Variants in ZFPM2 observed in about 807,000 individuals in gnomAD.
The protein encoded by ZFPM2 is zinc finger protein, FOG family member 2, also known as zinc finger protein ZFPM2.
ZFPM2 carries 20 observed loss-of-function variants against 98.6 expected under a neutral mutation model. The ratio of observed to expected loss-of-function variants is 0.20; its 90% CI spans 0.14 to 0.29. ZFPM2 has a LOEUF of 0.29. ZFPM2 is among the 10% of genes least tolerant of loss of function. The pLI, the probability that ZFPM2 is intolerant of heterozygous loss-of-function variation, is 1.00. For synonymous variants in ZFPM2, 518 were observed against 502.7 expected, an observed-to-expected ratio of 1.03 and a Z score of -0.41; for missense variants, 1,310 against 1,388.6, an observed-to-expected ratio of 0.94 and a Z score of 0.90.
At chr8:105,653,854 C>CTGTTTTTTTTTTT (rs1817230454) in intron 5 of ZFPM2, among the ~76,000 whole-genome samples, 1 of 35,260 alleles carries the variant, frequency 2.8e-5, no homozygotes, top group Non-Finnish European at 4.9e-5. Flanking sequence ...TGTGTGCTAT[C>CTGTTTTTTTTTTT]TTTTTTTTTT....
At chr8:105,676,000 C>T (rs2130912465) in intron 5 of ZFPM2, 1 of 152,224 alleles carries the variant, frequency 6.6e-6, no homozygotes, top group African/African-American at 2.4e-5. Context: ...AGCTTTTCAC[C>T]ATTAAACAGT....
chr8:105,790,296 C>A (rs534975750), intron 6 of ZFPM2, among the ~76,000 whole-genome samples: 1 of 150,824 alleles, frequency 6.6e-6, no homozygotes, highest in African/African-American at 2.4e-5. Context: ...TTTCAGCTTT[C>A]TACATATGGC....
chr8:105,445,826 A>G (rs1351425569), intron 3 of ZFPM2, among the ~76,000 whole-genome samples: 1 of 151,828 alleles, frequency 6.6e-6, no homozygotes, highest in Admixed American at 6.6e-5. Context: ...GCTAGTCTCA[A>G]ACTCCTGAGC....
At chr8:105,699,305 TAG>T (rs1811088980) in intron 5 of ZFPM2, among the ~76,000 whole-genome samples, 1 of 152,162 alleles carries the variant, frequency 6.6e-6, no homozygotes, top group Non-Finnish European at 1.5e-5. Context: ...ACATAAGTTC[TAG>T]AGGTTAATGG....
At chr8:105,361,899 A>G (rs1393510210) in intron 1 of ZFPM2, among the ~76,000 whole-genome samples, 4 of 152,084 alleles carry the variant, frequency 2.6e-5, no homozygotes, top group African/African-American at 7.2e-5. Flanking sequence ...TACCTACACT[A>G]TTTATATAAT....
intron 5 of ZFPM2, among the ~76,000 whole-genome samples, chr8:105,638,241 C>T (rs943372480): frequency 7.9e-5 from 12 of 152,002 alleles, no homozygotes; most frequent in African/African-American, 2.4e-4. Flanking sequence ...ACCAATTAAT[C>T]ACTATGACTC....
chr8:105,346,200 A>G lies in ZFPM2; in HGVS notation c.40+27219A>G, dbSNP rs114057307. ...CAGGAGTTCGAGAGCAGCCTAACCA[A>G]CATGGAGAAACCTCTTCCTACTAAA... On this transcript the variant is annotated intron_variant, in intron 1 of 7. Coordinates refer to ENST00000407775, the MANE Select transcript of ZFPM2 (RefSeq NM_012082.4). Among the ~76,000 whole-genome samples, 968 of 152,088 alleles carry G rather than the reference A, an allele frequency of 6.4e-3. 10 individuals are homozygous for G. The highest frequency in any genetic ancestry group is 0.022 in the African/African-American group (903 of 41,474).
chr8:105,630,377 A>G (rs1330954805), intron 4 of ZFPM2, among the ~76,000 whole-genome samples: 2 of 152,162 alleles, frequency 1.3e-5, no homozygotes, highest in East Asian at 1.9e-4. Context: ...AAGTCAGTCA[A>G]TCTCTACAAA....
In ZFPM2 at chr8:105,716,545, A is replaced by C. The variant is rs1811528393; in HGVS notation, c.533-72173A>C. Among the ~76,000 whole-genome samples, 3 of 151,876 alleles carry C rather than the reference A, an allele frequency of 2.0e-5. 1 individual carries two copies. The highest frequency in any genetic ancestry group is 2.0e-4 in the Admixed American group (3 of 15,198). Reference sequence around the variant, plus strand: ...CAGGTATATTAAAATAGCAGCAATAACTCCACAGTGCCACTTGAATGTTTC... The same window carrying C: ...CAGGTATATTAAAATAGCAGCAATACCTCCACAGTGCCACTTGAATGTTTC... On this transcript the variant is annotated intron_variant, in intron 5 of 7. Coordinates refer to ENST00000407775, the MANE Select transcript of ZFPM2 (RefSeq NM_012082.4).
At chr8:105,441,482 G>GAAAGAAAGAAAAGAAAAGA (rs1554604998) in intron 2 of ZFPM2, among the ~76,000 whole-genome samples, 1 of 85,404 alleles carries the variant, frequency 1.2e-5, no homozygotes, top group Admixed American at 1.2e-4. Context: ...AAGAAAGAAA[G>GAAAGAAAGAAAAGAAAAGA]AAAGAAAGAA....
At chr8:105,534,461 TCCTC>T (rs1226973319) in intron 3 of ZFPM2, among the ~76,000 whole-genome samples, 3 of 150,244 alleles carry the variant, frequency 2.0e-5, no homozygotes, top group African/African-American at 7.4e-5. Context: ...CTTCCTTCCT[TCCTC>T]CCTTCCTTTC....
intron 5 of ZFPM2, among the ~76,000 whole-genome samples, chr8:105,730,775 T>TG (rs1811914321): frequency 8.3e-6 from 1 of 120,058 alleles, no homozygotes; most frequent in Admixed American, 8.3e-5. Context: ...TTTTCTTTTT[T>TG]CTTTTTTTTT....
chr8:105,330,609 TAC>T (rs1554595013), intron 1 of ZFPM2, among the ~76,000 whole-genome samples: 627 of 56,776 alleles, frequency 0.011, 15 homozygotes, highest in African/African-American at 0.019. Context: ...TATATATATA[TAC>T]ACATATATAT....
chr8:105,396,393 C>T (rs928127908), intron 1 of ZFPM2, among the ~76,000 whole-genome samples: 6 of 152,088 alleles, frequency 3.9e-5, no homozygotes, highest in African/African-American at 1.4e-4. Flanking sequence ...TGGGAGTGAA[C>T]ACTGTGTACC....
intron 6 of ZFPM2, among the ~76,000 whole-genome samples, chr8:105,794,968 T>G (rs927088024): frequency 5.3e-5 from 8 of 152,142 alleles, no homozygotes; most frequent in African/African-American, 1.9e-4. Context: ...GACCCGATTT[T>G]CCAGGTGCCG....
chr8:105,783,433 C>T (rs76827162), intron 5 of ZFPM2, among the ~76,000 whole-genome samples: 72 of 152,030 alleles, frequency 4.7e-4, no homozygotes, highest in African/African-American at 1.7e-3. Context: ...TAACCATTCT[C>T]AAGTGTATAG....
At chr8:105,563,759 T>G (rs963192297) in intron 4 of ZFPM2, among the ~76,000 whole-genome samples, 1 of 152,154 alleles carries the variant, frequency 6.6e-6, no homozygotes, top group Non-Finnish European at 1.5e-5. Flanking sequence ...CTAGCATTGC[T>G]TACTAAACAT....
Position 105,550,636 on chromosome 8 carries a change from T to G in ZFPM2, c.302-10727T>G, listed in dbSNP as rs553070897. Among the ~76,000 whole-genome samples the G allele has an allele frequency of 6.6e-5, 10 of 152,236 alleles. No homozygotes were observed. In the South Asian group the frequency reaches 2.1e-3, roughly 32 times the overall value. ...TCTTATAAGGAAGAAAGTGATGAAA[T>G]GTATTAGAGTAAAAAATCACATACT... On this transcript the variant is annotated intron_variant, in intron 3 of 7. Coordinates refer to ENST00000407775, the MANE Select transcript of ZFPM2 (RefSeq NM_012082.4).
At chr8:105,349,678 A>G (rs1013236233) in intron 1 of ZFPM2, among the ~76,000 whole-genome samples, 3 of 152,204 alleles carry the variant, frequency 2.0e-5, no homozygotes, top group Non-Finnish European at 1.5e-5. Flanking sequence ...AGAGATGAAG[A>G]TATGGGAGAT....
Sources: allele counts gnomAD v4.1 joint callset (sites outside exome capture counted in the v4.1 genomes callset), GRCh38; gene constraint gnomAD v4.1.1; transcripts MANE v1.5; gene names NCBI Gene and HGNC (gene_info 2026-07-23, HGNC 2026-07-21).